GULP1: variants seen among roughly 807,000 people sequenced by gnomAD.
GULP1 encodes PTB domain-containing engulfment adapter protein 1.
In GULP1, 19 loss-of-function variants were observed where a neutral mutation model predicts 40.9. That is an observed-to-expected ratio of 0.46 (90% CI 0.32 to 0.68). GULP1 has a LOEUF of 0.68. Among genes scored for constraint, GULP1 ranks in the 30% least tolerant of loss-of-function variants. The pLI, the probability that GULP1 is intolerant of heterozygous loss-of-function variation, is 0.03. For synonymous variants in GULP1, 119 were observed against 117.6 expected (o/e 1.01, Z -0.08); for missense variants, 312 against 362.2 (o/e 0.86, Z 1.12).
At chr2:188,489,879 T>G (rs1167317414) in intron 4 of GULP1, among the ~76,000 whole-genome samples, 2 of 152,042 alleles carry the variant, frequency 1.3e-5, no homozygotes, top group African/African-American at 4.8e-5. Context: ...GCTTACAAAA[T>G]ACAAGAACAA....
At chr2:188,491,076 G>A (rs1024511178) in intron 4 of GULP1, among the ~76,000 whole-genome samples, 1 of 151,972 alleles carries the variant, frequency 6.6e-6, no homozygotes, top group Non-Finnish European at 1.5e-5. Context: ...GGGATTACAG[G>A]GATGAGCCAC....
Position 188,559,184 on chromosome 2 carries a change from C to T in GULP1, c.400-10055C>T, listed in dbSNP as rs189184322. Among the ~76,000 whole-genome samples, 288 of 152,312 alleles carry T rather than the reference C, an allele frequency of 1.9e-3. 2 individuals carry two copies. Among genetic ancestry groups the T allele is most frequent in the Middle Eastern group, 3.4e-3 (1 of 294 alleles). On this transcript the variant is annotated intron_variant, in intron 7 of 11. Coordinates refer to ENST00000409830, the MANE Select transcript of GULP1 (RefSeq NM_016315.4). Reference sequence around the variant, plus strand: ...CCTAGGAGAAAATGGTTTTCTGGGCCTGGCCCAGGGTCCCTGTGCTGTGTG... The same window carrying T: ...CCTAGGAGAAAATGGTTTTCTGGGCTTGGCCCAGGGTCCCTGTGCTGTGTG...
At chr2:188,480,897 TAACA>T (rs930387830) in intron 3 of GULP1, among the ~76,000 whole-genome samples, 1 of 151,934 alleles carries the variant, frequency 6.6e-6, no homozygotes, top group Non-Finnish European at 1.5e-5. Context: ...CTTTCTTTTT[TAACA>T]AACATTTTAT....
intron 1 of GULP1, among the ~76,000 whole-genome samples, chr2:188,314,348 AT>A (rs2038721376): frequency 6.6e-6 from 1 of 151,942 alleles, no homozygotes; most frequent in Non-Finnish European, 1.5e-5. Context: ...TCCTGTGCAA[AT>A]TTTTTCTTTT....
At chr2:188,377,278 C>T (rs2048418954) in intron 1 of GULP1, among the ~76,000 whole-genome samples, 1 of 152,098 alleles carries the variant, frequency 6.6e-6, no homozygotes, top group Non-Finnish European at 1.5e-5. Flanking sequence ...CTTTTAAACA[C>T]ACCAACGGAA....
At chr2:188,469,586 CAA>C (rs2060418784) in intron 2 of GULP1, among the ~76,000 whole-genome samples, 1 of 152,032 alleles carries the variant, frequency 6.6e-6, no homozygotes, top group Non-Finnish European at 1.5e-5. Context: ...TGAGCAGGAG[CAA>C]GAGAGAGTGA....
intron 2 of GULP1, among the ~76,000 whole-genome samples, chr2:188,425,440 C>T (rs188496170): frequency 1.3e-5 from 2 of 152,212 alleles, no homozygotes; most frequent in African/African-American, 2.4e-5. Context: ...GACTGTGAAT[C>T]AGCCATTTGT....
intron 1 of GULP1, among the ~76,000 whole-genome samples, chr2:188,327,228 G>T (rs2040873959): frequency 6.6e-6 from 1 of 152,188 alleles, no homozygotes; most frequent in African/African-American, 2.4e-5. Context: ...ATTGATGAAT[G>T]CCCTAGGGAA....
At chr2:188,484,202 C>A (rs1298994293) in intron 4 of GULP1, among the ~76,000 whole-genome samples, 4 of 152,074 alleles carry the variant, frequency 2.6e-5, no homozygotes, top group Non-Finnish European at 5.9e-5. Flanking sequence ...GCCACTCTGC[C>A]CAGCCTAAAT....
chr2:188,473,339 G>A (rs1053660850), intron 2 of GULP1, among the ~76,000 whole-genome samples: 1 of 152,170 alleles, frequency 6.6e-6, no homozygotes, highest in Non-Finnish European at 1.5e-5. Context: ...GGCAAAGCCA[G>A]CTAGGCCTCT....
At chr2:188,452,500 A>G (rs1295762779) in intron 2 of GULP1, among the ~76,000 whole-genome samples, 1 of 152,256 alleles carries the variant, frequency 6.6e-6, no homozygotes, top group Non-Finnish European at 1.5e-5. Flanking sequence ...ATCTTATTTA[A>G]GAATATTTTT....
intron 2 of GULP1, among the ~76,000 whole-genome samples, chr2:188,416,310 A>C (rs2152742244): frequency 6.6e-6 from 1 of 151,980 alleles, no homozygotes; most frequent in South Asian, 2.1e-4. Context: ...AAAATATTCT[A>C]TGATTAGATT....
intron 1 of GULP1, among the ~76,000 whole-genome samples, chr2:188,306,749 T>G (rs2037163515): frequency 6.6e-6 from 1 of 152,188 alleles, no homozygotes; most frequent in Non-Finnish European, 1.5e-5. Context: ...TTCAAAACCA[T>G]TTAACAAAGG....
At chr2:188,364,106 A>C (rs1166956103) in intron 1 of GULP1, among the ~76,000 whole-genome samples, 6 of 152,148 alleles carry the variant, frequency 3.9e-5, no homozygotes, top group Non-Finnish European at 1.5e-5. Context: ...TCTCAGGAGA[A>C]TCATTTGCTG....
chr2:188,342,986 T>C (rs1196101314), intron 1 of GULP1, among the ~76,000 whole-genome samples: 2 of 152,164 alleles, frequency 1.3e-5, no homozygotes, highest in African/African-American at 4.8e-5. Flanking sequence ...CTACTAAATT[T>C]AGTGAAGAGA....
At chr2:188,548,025 T>A (rs1228010930) in intron 7 of GULP1, among the ~76,000 whole-genome samples, 1 of 152,074 alleles carries the variant, frequency 6.6e-6, no homozygotes, top group Non-Finnish European at 1.5e-5. Context: ...GATATTTTAC[T>A]TTATGGTAAA....
intron 2 of GULP1, among the ~76,000 whole-genome samples, chr2:188,460,912 A>G (rs1436201125): frequency 6.6e-6 from 1 of 152,142 alleles, no homozygotes; most frequent in Non-Finnish European, 1.5e-5. Context: ...TTTATCCTTC[A>G]GTCTGTTTTT....
At chr2:188,344,051 C>A (rs2043308337) in intron 1 of GULP1, among the ~76,000 whole-genome samples, 1 of 152,022 alleles carries the variant, frequency 6.6e-6, no homozygotes, top group Non-Finnish European at 1.5e-5. Flanking sequence ...TCAAGTGAGC[C>A]CCCGCCTCAG....
intron 7 of GULP1, among the ~76,000 whole-genome samples, chr2:188,559,740 GT>G (rs1695765546): frequency 1.3e-5 from 2 of 152,122 alleles, no homozygotes; most frequent in African/African-American, 4.8e-5. Flanking sequence ...GAATGATATG[GT>G]TTGGCTCTGT....
Sources: allele counts gnomAD v4.1 joint callset (sites outside exome capture counted in the v4.1 genomes callset), GRCh38; gene constraint gnomAD v4.1.1; transcripts MANE v1.5; gene names NCBI Gene and HGNC (gene_info 2026-07-23, HGNC 2026-07-21).